HLF: variants seen among roughly 807,000 people sequenced by gnomAD.
HLF encodes hepatic leukemia factor.
Under a neutral mutation model 22.6 loss-of-function variants are expected in HLF, and 3 were observed. The ratio of observed to expected loss-of-function variants is 0.13; its 90% CI spans 0.06 to 0.34. The LOEUF is 0.34. Among genes scored for constraint, HLF ranks in the 10% least tolerant of loss-of-function variants. The probability of loss-of-function intolerance (pLI) is 1.00; values close to 1 mark genes in which losing one functional copy is unlikely to be tolerated. For synonymous variants in HLF, 151 were observed against 151.8 expected, an observed-to-expected ratio of 0.99 and a Z score of 0.04; for missense variants, 299 against 389.2, an observed-to-expected ratio of 0.77 and a Z score of 1.95.
chr17:55,301,247 G>A (rs935617783), intron 2 of HLF, among the ~76,000 whole-genome samples: 16 of 152,306 alleles, frequency 1.1e-4, no homozygotes, highest in African/African-American at 3.1e-4. Context: ...TTACTTACCT[G>A]TCTGCACCTC....
chr17:55,311,460 C>T (rs186494542), intron 2 of HLF, among the ~76,000 whole-genome samples: 25 of 152,028 alleles, frequency 1.6e-4, no homozygotes, highest in Non-Finnish European at 3.4e-4. Context: ...GCCAAGATCA[C>T]GCCACTGCAC....
intron 2 of HLF, among the ~76,000 whole-genome samples, chr17:55,286,057 A>G (rs1218232283): frequency 6.6e-6 from 1 of 152,162 alleles, no homozygotes; most frequent in African/African-American, 2.4e-5. Context: ...AGGTAATAAC[A>G]TCAAAACCAA....
At chr17:55,296,990 TTAGA>T (rs1407682607) in intron 2 of HLF, among the ~76,000 whole-genome samples, 1 of 152,180 alleles carries the variant, frequency 6.6e-6, no homozygotes, top group Non-Finnish European at 1.5e-5. Context: ...ATCTATGGCC[TTAGA>T]TAGAGGGTGT....
At chr17:55,280,269 A>G (rs536765245) in intron 2 of HLF, among the ~76,000 whole-genome samples, 1 of 152,228 alleles carries the variant, frequency 6.6e-6, no homozygotes, top group South Asian at 2.1e-4. Flanking sequence ...CAGGGAAGAA[A>G]GGATCAGGAA....
chr17:55,275,080 A>G (rs1444342701), intron 2 of HLF, among the ~76,000 whole-genome samples: 2 of 152,094 alleles, frequency 1.3e-5, no homozygotes, highest in Admixed American at 1.3e-4. Flanking sequence ...AACAAAATGC[A>G]TTTTGAAGAA....
At chr17:55,311,991 C>T (rs1904849618) in intron 2 of HLF, among the ~76,000 whole-genome samples, 1 of 152,132 alleles carries the variant, frequency 6.6e-6, no homozygotes, top group African/African-American at 2.4e-5. Context: ...CTGCAAGGGG[C>T]ATTATTTGAT....
chr17:55,287,007 C>T (rs967043048), intron 2 of HLF, among the ~76,000 whole-genome samples: 1 of 152,166 alleles, frequency 6.6e-6, no homozygotes, highest in Admixed American at 6.5e-5. Context: ...GTCTCAGAAA[C>T]CTGCTGGTAA....
chr17:55,270,934 G>A (rs557541207), intron 2 of HLF, among the ~76,000 whole-genome samples: 46 of 152,254 alleles, frequency 3.0e-4, no homozygotes, highest in African/African-American at 7.2e-4. Flanking sequence ...GAGCCACCGC[G>A]CCCGGCCTTG....
At position 55,324,061 on chromosome 17, in the gene HLF, T is replaced by A; in HGVS notation, c.*3182T>A. On this transcript the variant is annotated 3_prime_UTR_variant, in exon 4 of 4. Coordinates refer to ENST00000226067, the MANE Select transcript of HLF (RefSeq NM_002126.5). ...AGTTTGTTGAGGGGAGGGCTGTAGA[T>A]CATTACTTCTTTCTCTTCAGGAAGT... 1 of 228,528 alleles carries A rather than the reference T, an allele frequency of 4.4e-6. No homozygotes were observed. The highest frequency in any genetic ancestry group is 2.2e-5 in the African/African-American group (1 of 45,200). 14.2% of individuals were successfully genotyped at this position (228,528 alleles called of 1,614,324 possible).
chr17:55,297,374 TTC>T (rs781737001), intron 2 of HLF, among the ~76,000 whole-genome samples: 7 of 152,184 alleles, frequency 4.6e-5, no homozygotes, highest in Non-Finnish European at 1.0e-4. Context: ...TTGAAAGTCT[TTC>T]TCTTATTTCA....
chr17:55,302,534 C>T (rs1478339232), intron 2 of HLF, among the ~76,000 whole-genome samples: 4 of 152,034 alleles, frequency 2.6e-5, no homozygotes, highest in African/African-American at 9.7e-5. Context: ...AAGGGTGTCA[C>T]CGGGGGAGCA....
intron 2 of HLF, among the ~76,000 whole-genome samples, chr17:55,312,110 T>C (rs920828773): frequency 4.6e-5 from 7 of 152,232 alleles, no homozygotes; most frequent in Non-Finnish European, 1.0e-4. Flanking sequence ...CTATTGTGAA[T>C]AGCGCTGCGA....
intron 1 of HLF, 150 bp downstream of exon 1, chr17:55,265,749 A>G: frequency 8.5e-7 from 1 of 1,177,568 alleles, no homozygotes; most frequent in Non-Finnish European, 1.1e-6. Flanking sequence ...TGAGGAGCTC[A>G]CCCAGCACCC....
intron 1 of HLF, among the ~76,000 whole-genome samples, chr17:55,266,067 C>T (rs1240689557): frequency 1.3e-5 from 2 of 151,786 alleles, no homozygotes; most frequent in African/African-American, 4.8e-5. Context: ...GGTTGTGTTA[C>T]AGCTTCTGTT....
At chr17:55,297,084 T>C (rs915769901) in intron 2 of HLF, among the ~76,000 whole-genome samples, 4 of 152,196 alleles carry the variant, frequency 2.6e-5, no homozygotes, top group Non-Finnish European at 5.9e-5. Flanking sequence ...TCCTTTAATG[T>C]GGTTAATTGG....
intron 2 of HLF, among the ~76,000 whole-genome samples, chr17:55,302,572 G>T (rs1567821829): frequency 6.6e-6 from 1 of 152,112 alleles, no homozygotes; most frequent in Non-Finnish European, 1.5e-5. Flanking sequence ...CAGTTCACAG[G>T]GGTTCTTAGT....
At chr17:55,266,152 G>A (rs928728558) in intron 1 of HLF, 6 of 152,376 alleles carry the variant, frequency 3.9e-5, no homozygotes, top group African/African-American at 1.2e-4. Flanking sequence ...CTGAGAAAGC[G>A]GGGTGGGGGC....
intron 2 of HLF, among the ~76,000 whole-genome samples, chr17:55,306,342 G>A (rs536600134): frequency 2.6e-5 from 4 of 152,256 alleles, no homozygotes; most frequent in Admixed American, 6.5e-5. Context: ...ATGTTTACAC[G>A]TAATGGATTG....
chr17:55,319,582 G>A (rs1184844614), intron 3 of HLF, among the ~76,000 whole-genome samples: 2 of 151,976 alleles, frequency 1.3e-5, no homozygotes, highest in Non-Finnish European at 2.9e-5. Context: ...AGGGAAGGAG[G>A]GATTGTTTTT....
Sources: allele counts gnomAD v4.1 joint callset (sites outside exome capture counted in the v4.1 genomes callset), GRCh38; gene constraint gnomAD v4.1.1; transcripts MANE v1.5; gene names NCBI Gene and HGNC (gene_info 2026-07-23, HGNC 2026-07-21).